Variants in TNNC2 observed in about 807,000 individuals in gnomAD.
The protein encoded by TNNC2 is troponin C, skeletal muscle.
TNNC2 carries 14 observed loss-of-function variants against 20.0 expected under a neutral mutation model. The observed-to-expected ratio is 0.70, with a 90% CI of 0.46 to 1.09. The LOEUF is 1.09. TNNC2 is among the 50% of genes least tolerant of loss of function. TNNC2 has a pLI of 0.00. For missense variants in TNNC2, 163 were observed against 223.8 expected, an observed-to-expected ratio of 0.73 and a Z score of 1.73; for synonymous variants, 81 against 77.3, an observed-to-expected ratio of 1.05 and a Z score of -0.25.
chr20:45,827,175 C>A (rs1982993062), intron 1 of TNNC2, 71 bp downstream of exon 1: 1 of 1,605,060 alleles, frequency 6.2e-7, no homozygotes, highest in African/African-American at 1.3e-5. Context: ...CCACAGAGCA[C>A]CCAGGCCTGG....
rs1443861136 is a variant in TNNC2, at chr20:45,823,925, A to C, written c.451+66T>G. On this transcript the variant is annotated intron_variant, in intron 5 of 5. Transcript: ENST00000372555. The surrounding 1 kb of genome is among the most constrained non-coding windows in gnomAD (Gnocchi z 4.6). ...AGGCCAAGGACACTGCACCGGAGCC[A>C]GGCACCAGTGCCCGCCGTCCTCTGG... 1 of 1,605,832 alleles carries C rather than the reference A, an allele frequency of 6.2e-7. No individual in the cohort carries two copies. Among genetic ancestry groups the C allele is most frequent in the Non-Finnish European group, 8.5e-7 (1 of 1,175,258 alleles).
At chr20:45,826,440 T>G (rs1387566823) in intron 1 of TNNC2, among the ~76,000 whole-genome samples, 1 of 152,120 alleles carries the variant, frequency 6.6e-6, no homozygotes, top group African/African-American at 2.4e-5. Flanking sequence ...TCTGCAGGGG[T>G]TTCCACGTCA....
At chr20:45,824,454 C>T (rs766039413) in intron 3 of TNNC2, 41 bp downstream of exon 3, 3 of 1,611,998 alleles carry the variant, frequency 1.9e-6, no homozygotes, top group African/African-American at 1.3e-5. Context: ...CCGCTGCCGC[C>T]TCTCCCCACC....
Position 45,824,800 on chromosome 20 carries a change from C to T in TNNC2, c.38G>A (p.Ser13Asn). Residue 13 changes from serine (S) to asparagine (N), a missense_variant, in exon 2 of 6, where the codon AGC becomes AAC. Ser to Asn is a conservative substitution (Grantham distance 46). Coordinates refer to ENST00000372555, the MANE Select transcript of TNNC2 (RefSeq NM_003279.3). ...TCACTCACCAGCGATCATCTCTTCG[C>T]TGAGGTAGGACCTGGCCTCAGCCTG... ...DQQAEARSYL[S>N]EEMIAEFKAA... The T allele has an allele frequency of 6.2e-7, 1 of 1,613,122 alleles. No individual in the cohort carries two copies. Among genetic ancestry groups the T allele is most frequent in the Non-Finnish European group, 8.5e-7 (1 of 1,179,768 alleles).
upstream of TNNC2, among the ~76,000 whole-genome samples, chr20:45,830,030 T>C (rs1248265754): frequency 6.6e-6 from 1 of 151,770 alleles, no homozygotes; most frequent in Non-Finnish European, 1.5e-5. Context: ...TCTGCTCTGA[T>C]CAGACTTTAA....
At chr20:45,825,352 C>T (rs1250364806) in intron 1 of TNNC2, among the ~76,000 whole-genome samples, 1 of 151,496 alleles carries the variant, frequency 6.6e-6, no homozygotes, top group African/African-American at 2.4e-5. Flanking sequence ...AGTGCAATGG[C>T]GTGATCTCGG....
At position 45,824,048 on chromosome 20, in the gene TNNC2, T is replaced by G. The variant is rs771899470; in HGVS notation, c.394A>C (p.Ile132Leu). The change falls in exon 5 of 6, where the codon ATC becomes CTC. Residue 132 changes from isoleucine (I) to leucine (L), a missense_variant. Transcript: ENST00000372555. The stretch of plus-strand genomic sequence containing the variant: ...TCGCCGTCTTTCATCAGAGATTCGA[T>G]CTCCTCGTCCGTCACGTGCTCCCCG... ...ASGEHVTDEE[I>L]ESLMKDGDKN... The G allele has an allele frequency of 2.4e-5, 38 of 1,613,904 alleles. No homozygotes were observed. Among genetic ancestry groups the G allele is most frequent in the South Asian group, 7.7e-5 (7 of 91,080 alleles).
chr20:45,833,288 C>T (rs138850420), exon 2 of TNNC2: 2 of 152,396 alleles, frequency 1.3e-5, no homozygotes, highest in African/African-American at 4.8e-5. Context: ...GCCTACTTCC[C>T]ATGTGTGAGG....
intron 1 of TNNC2, 113 bp from the exon 2 acceptor site, chr20:45,824,947 GAAC>G: frequency 1.7e-6 from 2 of 1,166,488 alleles, no homozygotes; most frequent in South Asian, 1.3e-5. Context: ...TTCTCCAGAA[GAAC>G]AACTTCAAAC....
chr20:45,828,098 C>T (rs1275119154), upstream of TNNC2, among the ~76,000 whole-genome samples: 4 of 152,056 alleles, frequency 2.6e-5, no homozygotes, highest in Admixed American at 1.3e-4. Flanking sequence ...TGCAGTGGTG[C>T]TATTATAGCT....
chr20:45,824,442 A>T, intron 3 of TNNC2, 36 bp from the exon 4 acceptor site: 1 of 1,611,390 alleles, frequency 6.2e-7, no homozygotes. Flanking sequence ...GCCTGAGCCC[A>T]GCCGCTGCCG....
intron 2 of TNNC2, 53 bp from the exon 3 acceptor site, chr20:45,824,691 C>T: frequency 1.9e-6 from 3 of 1,586,280 alleles, no homozygotes; most frequent in Admixed American, 1.8e-5. Context: ...GTCAGCCTCA[C>T]ACCTACCCCC....
chr20:45,827,249 GGTTGCTGGTGACCGGGACTCCTCT>G lies in TNNC2; in HGVS notation c.-25_-2del. On this transcript the variant is annotated 5_prime_UTR_variant, in exon 1 of 6. Coordinates refer to ENST00000372555, the MANE Select transcript of TNNC2 (RefSeq NM_003279.3). ...CAAAGTCCCCTCTTGTCCTTACCAT[GGTTGCTGGTGACCGGGACTCCTCT>G]GTTGCAGGTCGCCTCCTTTGCACTC... is the stretch of plus-strand genomic sequence containing the variant. The G allele has an allele frequency of 6.2e-7, 1 of 1,614,086 alleles. No homozygotes were observed. Among genetic ancestry groups the G allele is most frequent in the South Asian group, 1.1e-5 (1 of 91,084 alleles).
At chr20:45,824,761 C>A (rs770215375) in intron 2 of TNNC2, 22 bp downstream of exon 2, 1 of 1,613,204 alleles carries the variant, frequency 6.2e-7, no homozygotes, top group Admixed American at 1.7e-5. Context: ...ACCCAGCCCC[C>A]AGCCTGCCGC....
upstream of TNNC2, among the ~76,000 whole-genome samples, chr20:45,828,667 C>T (rs1983033304): frequency 6.6e-6 from 1 of 152,102 alleles, no homozygotes; most frequent in Non-Finnish European, 1.5e-5. Context: ...CCAGAGGGAG[C>T]CCAACCTGAG....
At position 45,823,908 on chromosome 20, in the gene TNNC2, G is replaced by A. The variant is rs964792496; in HGVS notation, c.451+83C>T. Reference sequence around the variant, plus strand: ...GCCCAGCCCAGCCCACAAGGCCAAGGACACTGCACCGGAGCCAGGCACCAG... The same window carrying A: ...GCCCAGCCCAGCCCACAAGGCCAAGAACACTGCACCGGAGCCAGGCACCAG... On this transcript the variant is annotated intron_variant, in intron 5 of 5. Coordinates refer to ENST00000372555, the MANE Select transcript of TNNC2 (RefSeq NM_003279.3). This position sits in a 1 kb window ranked among gnomAD's most constrained non-coding sequence, Gnocchi z 4.6. The A allele has an allele frequency of 6.3e-6, 10 of 1,594,906 alleles. No individual in the cohort carries two copies. The highest frequency in any genetic ancestry group is 8.5e-6 in the Non-Finnish European group (10 of 1,169,948).
At chr20:45,824,910 C>T in intron 1 of TNNC2, 76 bp from the exon 2 acceptor site, 1 of 1,531,460 alleles carries the variant, frequency 6.5e-7, no homozygotes, top group Admixed American at 1.7e-5. Context: ...CCATTCTTCC[C>T]AACCCCCACT....
In TNNC2 at chr20:45,824,799, G is replaced by A. The variant is rs201715509; in HGVS notation, c.39C>T (p.Ser13=). The A allele has an allele frequency of 6.5e-5, 105 of 1,608,986 alleles. No individual in the cohort carries two copies. The highest frequency in any genetic ancestry group is 9.0e-5 in the East Asian group (4 of 44,634). ...DQQAEARSYL[S]EEMIAEFKAA... ...CTCACTCACCAGCGATCATCTCTTC[G>A]CTGAGGTAGGACCTGGCCTCAGCCT... The change falls in exon 2 of 6, where the codon AGC becomes AGT. Residue 13 remains serine (S), a synonymous_variant. Transcript: ENST00000372555.
chr20:45,823,344 C>T lies in TNNC2; in HGVS notation c.*4G>A, dbSNP rs894204948. On this transcript the variant is annotated 3_prime_UTR_variant, in exon 6 of 6. Transcript: ENST00000372555. The surrounding 1 kb of genome is among the most constrained non-coding windows in gnomAD (Gnocchi z 4.6). Reference sequence around the variant, plus strand: ...CGATCTTGGTAGAGGCGACTGTCCACTCCTTACTGCACGCCCTCCATCATC... The same window carrying T: ...CGATCTTGGTAGAGGCGACTGTCCATTCCTTACTGCACGCCCTCCATCATC... 2 of 1,586,544 alleles carry T rather than the reference C, an allele frequency of 1.3e-6. No homozygotes were observed. The highest frequency in any genetic ancestry group is 3.6e-5 in the Admixed American group (2 of 55,270).
Sources: gnomAD v4.1 joint callset for allele counts (sites outside exome capture counted in the v4.1 genomes callset) on GRCh38, gnomAD v4.1.1 for gene constraint, Gnocchi (gnomAD v3.1) non-coding constraint, MANE v1.5 for transcripts, NCBI Gene and HGNC (gene_info 2026-07-23, HGNC 2026-07-21) for gene names.